Variants in PCDHA7 observed in about 807,000 individuals in gnomAD.
PCDHA7 encodes the protein protocadherin alpha-7.
A neutral mutation model predicts 57.2 loss-of-function variants in PCDHA7; 37 were observed. That is an observed-to-expected ratio of 0.65 (90% CI 0.50 to 0.85). The LOEUF (loss-of-function observed/expected upper bound fraction) is 0.85. PCDHA7 is among the 40% of genes least tolerant of loss of function. The pLI, the probability that PCDHA7 is intolerant of heterozygous loss-of-function variation, is 0.00. For synonymous variants in PCDHA7, 553 were observed against 558.8 expected (o/e 0.99, Z 0.15); for missense variants, 1,188 against 1,241.8 (o/e 0.96, Z 0.65).
intron 1 of PCDHA7, among the ~76,000 whole-genome samples, chr5:140,838,813 T>C (rs1372139803): frequency 6.6e-6 from 1 of 151,884 alleles, no homozygotes; most frequent in Non-Finnish European, 1.5e-5. Context: ...TTTCAGCTAC[T>C]CAAGAAACTG....
intron 3 of PCDHA7, among the ~76,000 whole-genome samples, chr5:141,001,985 G>A (rs536683790): frequency 6.6e-5 from 10 of 152,194 alleles, no homozygotes; most frequent in Non-Finnish European, 1.5e-4. Flanking sequence ...GGAAAGCCTG[G>A]AAGTTCACTT....
In PCDHA7 at chr5:140,937,196, C is replaced by G. The variant is rs915023517; in HGVS notation, c.2356-41753C>G. On this transcript the variant is annotated intron_variant, in intron 1 of 3. Transcript: ENST00000525929. ...GGGACTACAGGCGCCCGCCACCATG[C>G]CCGGCTAATTTTTTGTATTTTTTGT... Among the ~76,000 whole-genome samples, 5 of 152,108 alleles carry G rather than the reference C, an allele frequency of 3.3e-5. No homozygotes were observed. In the East Asian group the frequency reaches 7.8e-4, roughly 24 times the overall value.
intron 1 of PCDHA7, chr5:140,857,528 G>A: frequency 6.3e-7 from 1 of 1,597,766 alleles, no homozygotes; most frequent in Non-Finnish European, 8.6e-7. Flanking sequence ...CTACTCTCTG[G>A]TGGAGCGGCG....
At chr5:140,901,407 G>T (rs2068648687) in intron 1 of PCDHA7, among the ~76,000 whole-genome samples, 2 of 152,130 alleles carry the variant, frequency 1.3e-5, no homozygotes, top group Non-Finnish European at 2.9e-5. Context: ...AGAGATAGGG[G>T]TCTAGTTTCA....
chr5:140,875,987 T>C, intron 1 of PCDHA7: 1 of 1,614,032 alleles, frequency 6.2e-7, no homozygotes, highest in Non-Finnish European at 8.5e-7. Flanking sequence ...ACCTATGCGT[T>C]AAGTCTAAAT....
At position 140,852,979 on chromosome 5, in the gene PCDHA7, C is replaced by T. The variant is rs1163126310; in HGVS notation, c.2355+16241C>T. ...CTCCAAGCTCCCCCTCCCGTGTTCA[C>T]GCCATTCTCCTGCCTCAGCCTCCCG... On this transcript the variant is annotated intron_variant, in intron 1 of 3. Transcript: ENST00000525929. 7 of 345,732 alleles carry T rather than the reference C, an allele frequency of 2.0e-5. No individual in the cohort carries two copies. In the East Asian group the frequency reaches 5.0e-4, roughly 24 times the overall value. 21.4% of individuals were successfully genotyped at this position (345,732 alleles called of 1,614,324 possible).
At chr5:140,872,485 G>A (rs978511800) in intron 1 of PCDHA7, among the ~76,000 whole-genome samples, 1 of 152,080 alleles carries the variant, frequency 6.6e-6, no homozygotes, top group Non-Finnish European at 1.5e-5. Flanking sequence ...AAATTAGCCA[G>A]ACCTAGTGGT....
intron 1 of PCDHA7, among the ~76,000 whole-genome samples, chr5:140,837,876 G>A (rs1434787850): frequency 2.6e-5 from 4 of 151,526 alleles, no homozygotes; most frequent in African/African-American, 9.7e-5. Flanking sequence ...ACAGGGTGGA[G>A]TCTTGTTTCC....
At chr5:140,915,766 T>G (rs2077298451) in intron 1 of PCDHA7, among the ~76,000 whole-genome samples, 1 of 151,974 alleles carries the variant, frequency 6.6e-6, no homozygotes, top group African/African-American at 2.4e-5. Context: ...CTGGGTCTTG[T>G]CCAAGGCCTG....
intron 1 of PCDHA7, chr5:140,877,792 C>A (rs782259804): frequency 1.9e-6 from 3 of 1,613,886 alleles, no homozygotes; most frequent in Non-Finnish European, 2.5e-6. Flanking sequence ...GGCCTTCAGC[C>A]CAAGCCTTCA....
intron 1 of PCDHA7, chr5:140,869,166 C>A: frequency 6.2e-7 from 1 of 1,613,866 alleles, no homozygotes; most frequent in South Asian, 1.1e-5. Context: ...TTCTCCTCCT[C>A]GAATTCTGGG....
chr5:140,902,225 A>G (rs1454445915), intron 1 of PCDHA7, among the ~76,000 whole-genome samples: 1 of 114,610 alleles, frequency 8.7e-6, no homozygotes, highest in African/African-American at 3.5e-5. Context: ...TTTTTTTGAG[A>G]TGAGGACTTG....
intron 1 of PCDHA7, chr5:140,875,787 C>A (rs2055811364): frequency 6.2e-7 from 1 of 1,614,082 alleles, no homozygotes; most frequent in Non-Finnish European, 8.5e-7. Context: ...GCAGTATCCA[C>A]CTGGAGGTGA....
At chr5:141,008,684 G>C (rs1426948038) in intron 3 of PCDHA7, among the ~76,000 whole-genome samples, 1 of 152,118 alleles carries the variant, frequency 6.6e-6, no homozygotes, top group Admixed American at 6.5e-5. Context: ...TTTAGTTATT[G>C]CATGTATTAA....
chr5:140,915,677 A>C (rs1352514451), intron 1 of PCDHA7, among the ~76,000 whole-genome samples: 4 of 150,138 alleles, frequency 2.7e-5, no homozygotes, highest in African/African-American at 9.8e-5. Flanking sequence ...GCCATCTTGA[A>C]CTAGGGGTAT....
chr5:140,944,317 A>G (rs2093641596), intron 1 of PCDHA7, among the ~76,000 whole-genome samples: 2 of 152,090 alleles, frequency 1.3e-5, no homozygotes. Flanking sequence ...CCTCCTGAGT[A>G]GCTGGGATTA....
intron 1 of PCDHA7, among the ~76,000 whole-genome samples, chr5:140,917,311 G>T (rs2078013594): frequency 6.7e-6 from 1 of 148,748 alleles, no homozygotes; most frequent in Non-Finnish European, 1.5e-5. Flanking sequence ...GTTACAATTT[G>T]GTGTTCATGT....
chr5:140,932,032 A>G (rs2087965086), intron 1 of PCDHA7, among the ~76,000 whole-genome samples: 1 of 151,934 alleles, frequency 6.6e-6, no homozygotes, highest in African/African-American at 2.4e-5. Context: ...TTTACAGTAT[A>G]TATTAACATA....
chr5:140,973,126 T>C (rs1554234908), intron 1 of PCDHA7, among the ~76,000 whole-genome samples: 1 of 152,144 alleles, frequency 6.6e-6, no homozygotes, highest in Non-Finnish European at 1.5e-5. Flanking sequence ...ATGAATTAAG[T>C]TTGCATTCAC....
Sources: allele counts gnomAD v4.1 joint callset (sites outside exome capture counted in the v4.1 genomes callset), GRCh38; gene constraint gnomAD v4.1.1; transcripts MANE v1.5; gene names NCBI Gene and HGNC (gene_info 2026-07-23, HGNC 2026-07-21).